The following CD109 variants were observed in gnomAD, a reference collection of about 807,000 sequenced individuals.
CD109 encodes the protein CD109 molecule, also known as CD109 antigen.
A neutral mutation model predicts 165.8 loss-of-function variants in CD109; 149 were observed. That is an observed-to-expected ratio of 0.90 (90% confidence interval 0.79 to 1.03). The LOEUF is 1.03. Ranked by LOEUF, CD109 falls within the 50% of genes least tolerant of loss-of-function variation. The pLI, the probability that CD109 is intolerant of heterozygous loss-of-function variation, is 0.00. For missense variants in CD109, 1,712 were observed against 1,677.8 expected (o/e 1.02, Z -0.36); for synonymous variants, 585 against 592.1 (o/e 0.99, Z 0.18).
chr6:73,822,294 G>A (rs1473187093), intron 32 of CD109, among the ~76,000 whole-genome samples: 1 of 152,174 alleles, frequency 6.6e-6, no homozygotes, highest in Non-Finnish European at 1.5e-5. Flanking sequence ...TGCATGAGAA[G>A]CATGAACATT....
At chr6:73,704,610 A>T (rs1456142686) in intron 2 of CD109, among the ~76,000 whole-genome samples, 1 of 152,218 alleles carries the variant, frequency 6.6e-6, no homozygotes, top group Non-Finnish European at 1.5e-5. Context: ...TAGAAAACAG[A>T]TCCCATAAGA....
intron 2 of CD109, among the ~76,000 whole-genome samples, chr6:73,701,954 CA>C (rs1165280154): frequency 4.6e-5 from 7 of 152,054 alleles, no homozygotes; most frequent in Admixed American, 4.6e-4. Context: ...CAAAAACTCC[CA>C]AAAACCTAAA....
chr6:73,796,936 C>T lies in CD109; in HGVS notation c.2878+4134C>T, dbSNP rs139250296. Among the ~76,000 whole-genome samples, 93 of 152,270 alleles carry T rather than the reference C, an allele frequency of 6.1e-4. 1 individual carries two copies. The highest frequency in any genetic ancestry group is 2.1e-3 in the African/African-American group (86 of 41,552). On this transcript the variant is annotated intron_variant, in intron 23 of 32. Transcript: ENST00000287097. ...CTAAATTATATTTCAAAGTAGTGGA[C>T]GAAAGCTTCTTGGTATAATGCTTTT...
In CD109 at chr6:73,791,166, T is replaced by TACACATACAC. The variant is rs1562070963; in HGVS notation, c.2702-1459_2702-1458insCACATACACA. On this transcript the variant is annotated intron_variant, in intron 22 of 32. Coordinates refer to ENST00000287097, the MANE Select transcript of CD109 (RefSeq NM_133493.5). ...ATATATATATATATATATATATATATATATATATATACACACACACACATA... is the reference window on the plus strand; with the variant it reads ...ATATATATATATATATATATATATATACACATACACATATATATATACACACACACACATA... Among the ~76,000 whole-genome samples, 35 of 40,968 alleles carry TACACATACAC rather than the reference T, an allele frequency of 8.5e-4. 2 individuals are homozygous for TACACATACAC. Among genetic ancestry groups the TACACATACAC allele is most frequent in the East Asian group, 2.0e-3 (2 of 1,012 alleles). 26.9% of individuals were successfully genotyped at this position (40,968 alleles called of 152,430 possible).
intron 4 of CD109, among the ~76,000 whole-genome samples, chr6:73,732,398 G>T (rs895707683): frequency 2.0e-5 from 3 of 152,166 alleles, no homozygotes; most frequent in African/African-American, 7.2e-5. Context: ...TGCTTGAATT[G>T]AACTAGCATT....
intron 27 of CD109, 87 bp from the exon 28 acceptor site, chr6:73,810,905 A>C: frequency 7.6e-7 from 1 of 1,320,078 alleles, no homozygotes; most frequent in Non-Finnish European, 1.0e-6. Context: ...AGGTGTATGA[A>C]TATCCAGCAA....
intron 32 of CD109, 69 bp from the exon 33 acceptor site, chr6:73,823,389 T>C (rs1014484933): frequency 1.7e-6 from 2 of 1,200,138 alleles, no homozygotes; most frequent in Non-Finnish European, 2.4e-6. Context: ...GAAATGCTCT[T>C]ATATTTTGGC....
Position 73,763,697 on chromosome 6 carries a change from T to G in CD109, c.1107+12T>G. On this transcript the variant is annotated intron_variant, in intron 10 of 32. Coordinates refer to ENST00000287097, the MANE Select transcript of CD109 (RefSeq NM_133493.5). ...ACTTCACAGCCACTGTAAGTTGGTA[T>G]ATTTATTTCCAGTCCATAGCAGTAA... The G allele has an allele frequency of 2.2e-6, 3 of 1,387,438 alleles. No homozygotes were observed. The highest frequency in any genetic ancestry group is 2.0e-6 in the Non-Finnish European group (2 of 987,968). 85.9% of individuals were successfully genotyped at this position (1,387,438 alleles called of 1,614,324 possible). A position where few individuals can be genotyped will look rare whatever the true frequency, so the allele number is the denominator to read the frequency against.
At position 73,741,477 on chromosome 6, in the gene CD109, G is replaced by T. The variant is rs60855681; in HGVS notation, c.633+4969G>T. On this transcript the variant is annotated intron_variant, in intron 5 of 32. Coordinates refer to ENST00000287097, the MANE Select transcript of CD109 (RefSeq NM_133493.5). Reference sequence around the variant, plus strand: ...TTATACTTTAGGTACATTATAAGTTGAGTGTGGGAATATGTTCTGATTTAA... The same window carrying T: ...TTATACTTTAGGTACATTATAAGTTTAGTGTGGGAATATGTTCTGATTTAA... Among the ~76,000 whole-genome samples the T allele has an allele frequency of 7.2e-3, 1,102 of 152,292 alleles. 21 individuals are homozygous for T. The highest frequency in any genetic ancestry group is 0.025 in the African/African-American group (1,031 of 41,564).
chr6:73,809,891 A>T, intron 26 of CD109, 93 bp from the exon 27 acceptor site: 1 of 892,720 alleles, frequency 1.1e-6, no homozygotes, highest in Non-Finnish European at 1.7e-6. Flanking sequence ...TATGCTAGTT[A>T]AGTACAACTT....
chr6:73,768,004 A>G, intron 13 of CD109, 51 bp from the exon 14 acceptor site: 2 of 1,401,230 alleles, frequency 1.4e-6, no homozygotes, highest in Non-Finnish European at 2.0e-6. Context: ...GCTTCAGATG[A>G]GATCCTACTA....
chr6:73,697,320 A>C, intron 1 of CD109, 80 bp from the exon 2 acceptor site: 1 of 1,344,386 alleles, frequency 7.4e-7, no homozygotes, highest in Admixed American at 1.9e-5. Context: ...TGCCTATCGC[A>C]CTAGGAAATC....
chr6:73,728,874 A>G (rs1246810711), intron 3 of CD109, among the ~76,000 whole-genome samples: 1 of 152,244 alleles, frequency 6.6e-6, no homozygotes, highest in East Asian at 1.9e-4. Context: ...GCTTCAAACA[A>G]TAATAAATTA....
At position 73,766,094 on chromosome 6, in the gene CD109, A is replaced by G. The variant is rs41265539; in HGVS notation, c.1272A>G (p.Gln424=). Residue 424 remains glutamine (Q), a synonymous_variant, in exon 11 of 33, where the codon CAA becomes CAG. Transcript: ENST00000287097. ...AGAAAATAAATTATACTGTCCCCCA[A>G]AGTGGAACTTTTAAGATTGAATTCC... ...AVQKINYTVP[Q]SGTFKIEFPI... The G allele has an allele frequency of 2.3e-4, 379 of 1,614,126 alleles. 1 individual carries two copies. The African/African-American group carries it at 4.1e-3, about 18-fold the overall frequency.
chr6:73,817,283 C>T (rs1195430357), intron 30 of CD109, among the ~76,000 whole-genome samples: 3 of 152,156 alleles, frequency 2.0e-5, no homozygotes, highest in Non-Finnish European at 4.4e-5. Flanking sequence ...AAAGTATAAT[C>T]TGCATTGTGC....
At chr6:73,689,610 G>T in the CD109 span, among the ~76,000 whole-genome samples, 10 of 151,696 alleles carry the variant, frequency 6.6e-5, no homozygotes, top group South Asian at 2.1e-4. Flanking sequence ...CTTGATCCAA[G>T]AAAACTGTAG....
At position 73,811,122 on chromosome 6, in the gene CD109, AC is replaced by A; in HGVS notation, c.3679del (p.Arg1227AlafsTer37). 6.2e-7 allele frequency: 1 copy of A among 1,613,118 alleles called. No homozygotes were observed. Among genetic ancestry groups the A allele is most frequent in the South Asian group, 1.1e-5 (1 of 91,018 alleles). On this transcript the variant is annotated frameshift_variant, in exon 28 of 33. Transcript: ENST00000287097. LOFTEE classifies it high-confidence loss of function. ...GTAAAGTTTCTGATTGACACACACA[AC>A]CGCTTACTCCTTCAGACAGCAGAGG... ...SPVKFLIDTH[N>X]RLLLQTAELA... is the part of the protein sequence containing the mutation.
chr6:73,777,938 C>T (rs986748392), intron 15 of CD109, among the ~76,000 whole-genome samples: 4 of 152,200 alleles, frequency 2.6e-5, no homozygotes, highest in Admixed American at 1.3e-4. Flanking sequence ...AGTTTTCTCT[C>T]GTTCTGTGAA....
chr6:73,821,779 A>G (rs1247900765), intron 32 of CD109, among the ~76,000 whole-genome samples: 1 of 152,208 alleles, frequency 6.6e-6, no homozygotes, highest in Non-Finnish European at 1.5e-5. Context: ...TACAATGTTC[A>G]TTATTTGGGT....
Sources: allele counts gnomAD v4.1 joint callset (sites outside exome capture counted in the v4.1 genomes callset), GRCh38; gene constraint gnomAD v4.1.1; transcripts MANE v1.5; gene names NCBI Gene and HGNC (gene_info 2026-07-23, HGNC 2026-07-21).